Variants in ANO9 observed in about 807,000 individuals in gnomAD.
ANO9 encodes the protein anoctamin 9, also known as anoctamin-9.
ANO9 carries 80 observed loss-of-function variants against 100.5 expected under a neutral mutation model. The observed-to-expected ratio is 0.80, with a 90% confidence interval of 0.66 to 0.96. The LOEUF (loss-of-function observed/expected upper bound fraction) is 0.96. Ranked by LOEUF, ANO9 falls within the 40% of genes least tolerant of loss-of-function variation. The pLI is 0.00. For missense variants in ANO9, 1,064 were observed against 1,072.7 expected (o/e 0.99, Z 0.11); for synonymous variants, 473 against 435.6 (o/e 1.09, Z -1.07).
At chr11:433,025 C>T in intron 4 of ANO9, 1 of 416,850 alleles carries the variant, frequency 2.4e-6, no homozygotes, top group East Asian at 4.2e-5. Context: ...TCTGCAAATC[C>T]TGCCCAACCC....
Position 428,546 on chromosome 11 carries a change from C to T in ANO9, c.1114G>A (p.Glu372Lys), listed in dbSNP as rs752101754. 30 of 1,612,680 alleles carry T rather than the reference C, an allele frequency of 1.9e-5. No homozygotes were observed. The highest frequency in any genetic ancestry group is 2.3e-5 in the Non-Finnish European group (27 of 1,179,910). The change falls in exon 13 of 23, where the codon GAG becomes AAG. Residue 372 changes from glutamate to lysine, a missense_variant. Glu to Lys is a moderately conservative substitution (Grantham distance 56). Coordinates refer to ENST00000332826, the MANE Select transcript of ANO9 (RefSeq NM_001012302.3). ...FSSSAVPFLE[E>K]QVTTAVVVTG... Reference sequence around the variant, plus strand: ...ACCACCACGGCCGTGGTCACCTGCTCCTCCAGGAAGGGCACGGCCGAGCTG... The same window carrying T: ...ACCACCACGGCCGTGGTCACCTGCTTCTCCAGGAAGGGCACGGCCGAGCTG...
Position 418,302 on chromosome 11 carries a change from G to A in ANO9, c.*69C>T. 1 of 1,418,788 alleles carries A rather than the reference G, an allele frequency of 7.0e-7. No homozygotes were observed. The highest frequency in any genetic ancestry group is 9.5e-7 in the Non-Finnish European group (1 of 1,057,848). 87.9% of individuals were successfully genotyped at this position (1,418,788 alleles called of 1,614,324 possible). ...ACAGCACCCCTCAACACGCACAGCGGTGGGCTTGTGGGAGGTGCTGGTGGT... is the reference window on the plus strand; with the variant it reads ...ACAGCACCCCTCAACACGCACAGCGATGGGCTTGTGGGAGGTGCTGGTGGT... On this transcript the variant is annotated 3_prime_UTR_variant, in exon 23 of 23. Coordinates refer to ENST00000332826, the MANE Select transcript of ANO9 (RefSeq NM_001012302.3).
intron 4 of ANO9, 115 bp downstream of exon 4, chr11:433,199 C>T (rs567596402): frequency 1.3e-5 from 18 of 1,417,652 alleles, no homozygotes; most frequent in African/African-American, 2.9e-5. Context: ...TGAGACCACA[C>T]GGCTGTCCTG....
intron 3 of ANO9, 91 bp downstream of exon 3, chr11:433,724 G>A (rs1357804536): frequency 1.8e-5 from 27 of 1,478,856 alleles, no homozygotes; most frequent in East Asian, 5.0e-5. Flanking sequence ...CCTGCCCCTC[G>A]CTGGGCACCC....
At chr11:419,155 C>T (rs1848021008) in intron 20 of ANO9, 166 bp from the exon 21 acceptor site, 4 of 1,450,096 alleles carry the variant, frequency 2.8e-6, no homozygotes, top group Admixed American at 5.2e-5. Context: ...ATCTTCACAT[C>T]CGGGGGCCTT....
chr11:438,520 T>TC (rs1845565256), intron 1 of ANO9, among the ~76,000 whole-genome samples: 1 of 144,030 alleles, frequency 6.9e-6, no homozygotes, highest in Non-Finnish European at 1.5e-5. Context: ...GGCCTCAGGC[T>TC]CCGAGACTCT....
chr11:420,266 C>T (rs529155991), intron 19 of ANO9, 197 bp downstream of exon 19: 2 of 1,427,980 alleles, frequency 1.4e-6, no homozygotes, highest in South Asian at 1.5e-5. Flanking sequence ...GCCTACAAAG[C>T]GCTCGGCCCC....
rs1564899612 is a variant in ANO9, at chr11:418,209, T to C, written c.*162A>G. 1 of 712,538 alleles carries C rather than the reference T, an allele frequency of 1.4e-6. No homozygotes were observed. Among genetic ancestry groups the C allele is most frequent in the Non-Finnish European group, 2.3e-6 (1 of 441,816 alleles). The allele number at this position is 712,538 out of a possible 1,614,324, so 44.1% of individuals were successfully genotyped here. ...CCCCACAAAGACGGAGCAGGCGGAATAGGGTGGCAGCTCACAGCCCTGAAC... is the reference window on the plus strand; with the variant it reads ...CCCCACAAAGACGGAGCAGGCGGAACAGGGTGGCAGCTCACAGCCCTGAAC... On this transcript the variant is annotated 3_prime_UTR_variant, in exon 23 of 23. Transcript: ENST00000332826.
Position 419,639 on chromosome 11 carries a change from C to A in ANO9, c.1877G>T (p.Arg626Leu), listed in dbSNP as rs765622452. The A allele has an allele frequency of 6.2e-7, 1 of 1,613,572 alleles. No individual in the cohort carries two copies. The highest frequency in any genetic ancestry group is 8.5e-7 in the Non-Finnish European group (1 of 1,179,902). Reference protein sequence around the residue: ...VIAFTSEFIPRVVYKYRYSPC... With the variant: ...VIAFTSEFIPLVVYKYRYSPC... ...GCTATAGCGGTACTTGTAGACCACT[C>A]GGGGGATGAACTCAGATGTGAAGGC... The change falls in exon 20 of 23, where the codon CGA becomes CTA. Residue 626 changes from arginine (R) to leucine (L), a missense_variant. Transcript: ENST00000332826.
rs1848281609 is a variant in ANO9 at position 422,961 on chromosome 11, C to G, written c.1335-1763G>C. Among the ~76,000 whole-genome samples the G allele has an allele frequency of 6.6e-6, 1 of 151,886 alleles. No individual in the cohort carries two copies. The highest frequency in any genetic ancestry group is 2.4e-5 in the African/African-American group (1 of 41,294). ...TCTCCTGCCTCAGCCTCCTGAGTAG[C>G]TGGGATTACAGGTGCGCGCCACCAC... On this transcript the variant is annotated intron_variant, in intron 15 of 22. Transcript: ENST00000332826. This position sits in a 1 kb window ranked among gnomAD's most constrained non-coding sequence, Gnocchi z 4.3.
chr11:424,933 A>G (rs916944799), intron 15 of ANO9, among the ~76,000 whole-genome samples: 2 of 152,118 alleles, frequency 1.3e-5, no homozygotes, highest in African/African-American at 4.8e-5. Context: ...AGACATGGAC[A>G]CGGGACGCGC....
rs370621568 is a variant in ANO9, at chr11:430,112, G to A, written c.742C>T (p.Arg248Trp). 5.0e-5 allele frequency: 78 copies of A among 1,552,444 alleles called. No individual in the cohort carries two copies. The highest frequency in any genetic ancestry group is 5.9e-5 in the Non-Finnish European group (68 of 1,148,506). ...PLGDHSRRYQ[R>W]LSETCTFAKL... ...GCAAAAGTGCAGGTTTCCGAGAGCC[G>A]CTGGTACCTGCGGCTGTGGTCGCCG... Residue 248 changes from arginine (R) to tryptophan (W), a missense_variant, in exon 9 of 23, where the codon CGG becomes TGG. Arg to Trp is a moderately radical substitution (Grantham distance 101). Transcript: ENST00000332826.
chr11:419,831 C>T (rs879903152), intron 19 of ANO9, 102 bp from the exon 20 acceptor site: 25 of 1,533,628 alleles, frequency 1.6e-5, no homozygotes, highest in African/African-American at 5.5e-5. Flanking sequence ...TGTCTCTGTG[C>T]GTGGTGTCCC....
rs565083759 is a variant in ANO9 at position 421,358 on chromosome 11, G to A, written c.1335-160C>T. ...GCTCACACCCAGATGAACCGCACCC[G>A]CACGTGGGCACGCACACACACACAC... On this transcript the variant is annotated intron_variant, in intron 15 of 22. Transcript: ENST00000332826. This position sits in a 1 kb window ranked among gnomAD's most constrained non-coding sequence, Gnocchi z 6.8. 3.6e-5 allele frequency: 23 copies of A among 633,118 alleles called. No individual in the cohort carries two copies. Among genetic ancestry groups the A allele is most frequent in the Non-Finnish European group, 5.4e-5 (21 of 385,880 alleles). 39.2% of individuals were successfully genotyped at this position (633,118 alleles called of 1,614,324 possible).
chr11:421,063 A>G lies in ANO9; in HGVS notation c.1393-21T>C. 1 of 1,594,516 alleles carries G rather than the reference A, an allele frequency of 6.3e-7. No individual in the cohort carries two copies. Among genetic ancestry groups the G allele is most frequent in the East Asian group, 2.3e-5 (1 of 44,332 alleles). On this transcript the variant is annotated intron_variant, in intron 16 of 22. Transcript: ENST00000332826. The surrounding 1 kb of genome is among the most constrained non-coding windows in gnomAD (Gnocchi z 6.8). ...TGGCACTGCGGGGCCAGACAGGAGGAGATCAGGGAGGGGTCCTGGGGGACG... is the reference window on the plus strand; with the variant it reads ...TGGCACTGCGGGGCCAGACAGGAGGGGATCAGGGAGGGGTCCTGGGGGACG...
At chr11:436,622 GA>G (rs1338120902) in intron 1 of ANO9, among the ~76,000 whole-genome samples, 1 of 150,260 alleles carries the variant, frequency 6.7e-6, no homozygotes, top group African/African-American at 2.5e-5. Context: ...GGTGAGCAGG[GA>G]GTGAGCAGGG....
Position 422,885 on chromosome 11 carries a change from A to C in ANO9, c.1335-1687T>G, listed in dbSNP as rs1015082893. On this transcript the variant is annotated intron_variant, in intron 15 of 22. Coordinates refer to ENST00000332826, the MANE Select transcript of ANO9 (RefSeq NM_001012302.3). The surrounding 1 kb of genome is among the most constrained non-coding windows in gnomAD (Gnocchi z 4.3). ...TGCTCTGTCACCCAGGCTGGAGTGC[A>C]ATGGCATGATCTTGGCTCACTACAA... is the stretch of plus-strand genomic sequence containing the variant. 6.6e-6 allele frequency among the ~76,000 whole-genome samples: 1 copy of C among 150,844 alleles called. No individual in the cohort carries two copies. Among genetic ancestry groups the C allele is most frequent in the African/African-American group, 2.4e-5 (1 of 40,828 alleles).
Position 430,253 on chromosome 11 carries a change from C to G in ANO9, c.674+16G>C. ...CCCACCCCGGCCCCCCATGCCCGGC[C>G]CCTGCTGCGGCCCACCTGATCTGGC... On this transcript the variant is annotated intron_variant, in intron 8 of 22. Transcript: ENST00000332826. 6.4e-7 allele frequency: 1 copy of G among 1,556,404 alleles called. No individual in the cohort carries two copies. Among genetic ancestry groups the G allele is most frequent in the Admixed American group, 1.9e-5 (1 of 52,034 alleles).
At chr11:439,697 C>T (rs1210057124) in intron 1 of ANO9, among the ~76,000 whole-genome samples, 1 of 152,188 alleles carries the variant, frequency 6.6e-6, no homozygotes, top group Non-Finnish European at 1.5e-5. Context: ...TCCCCTTCTG[C>T]CCCACCGCAG....
Sources: gnomAD v4.1 joint callset for allele counts (sites outside exome capture counted in the v4.1 genomes callset) on GRCh38, gnomAD v4.1.1 for gene constraint, Gnocchi (gnomAD v3.1) non-coding constraint, MANE v1.5 for transcripts, NCBI Gene and HGNC (gene_info 2026-07-23, HGNC 2026-07-21) for gene names.